Variants in DMD observed in about 807,000 individuals in gnomAD.
The protein encoded by DMD is dystrophin, also known as mutant dystrophin.
DMD carries 63 observed loss-of-function variants against 330.1 expected under a neutral mutation model. The ratio of observed to expected loss-of-function variants is 0.19; its 90% CI spans 0.16 to 0.24. DMD has a LOEUF of 0.24. Among genes scored for constraint, DMD ranks in the 10% least tolerant of loss-of-function variants. DMD has a pLI of 1.00. For missense variants in DMD, 3,344 were observed against 2,684.1 expected (o/e 1.25, Z -5.43); for synonymous variants, 1,223 against 959.8 (o/e 1.27, Z -5.07).
chrX:31,520,608 G>C (rs1293844771), intron 55 of DMD, among the ~76,000 whole-genome samples: 1 of 111,812 alleles, frequency 8.9e-6, no homozygotes, highest in Admixed American at 9.4e-5. Context: ...AGATGCTAGA[G>C]ACCCTTAGAC....
At chrX:32,984,681 C>A (rs971010954) in intron 2 of DMD, among the ~76,000 whole-genome samples, 5 of 111,926 alleles carry the variant, frequency 4.5e-5, no homozygotes, top group South Asian at 3.7e-4. Flanking sequence ...TAAGCACTTC[C>A]ATAAATATTA....
chrX:32,284,996 T>G lies in DMD; in HGVS notation c.6290+2533A>C, dbSNP rs201107397. Among the ~76,000 whole-genome samples, 3 of 111,900 alleles carry G rather than the reference T, an allele frequency of 2.7e-5. No individual in the cohort carries two copies. In the East Asian group the frequency reaches 8.5e-4, roughly 32 times the overall value. On this transcript the variant is annotated intron_variant, in intron 43 of 78. Transcript: ENST00000357033. ...GTGGAATGGCGTTAGTGTTTCTGTT[T>G]AAGTCTAAGGTGAAGGTAAACTGAA...
chrX:33,218,858 T>TC (rs908366014), intron 1 of DMD, among the ~76,000 whole-genome samples: 1 of 111,651 alleles, frequency 9.0e-6, no homozygotes, highest in African/African-American at 3.3e-5. Context: ...CACACAGATT[T>TC]CCCCTGTCTC....
chrX:32,656,774 A>G (rs1273333788), intron 9 of DMD, among the ~76,000 whole-genome samples: 1 of 111,836 alleles, frequency 8.9e-6, no homozygotes, highest in African/African-American at 3.2e-5. Context: ...TACACAGATA[A>G]TAAATATTTA....
In DMD at chrX:32,389,527, C is replaced by T; in HGVS notation, c.4492G>A (p.Val1498Ile). 8.3e-7 allele frequency: 1 copy of T among 1,211,383 alleles called. No individual in the cohort carries two copies. Among genetic ancestry groups the T allele is most frequent in the African/African-American group, 1.7e-5 (1 of 57,854 alleles). The change falls in exon 32 of 79, where the codon GTA (valine) becomes ATA (isoleucine). Residue 1498 changes from valine to isoleucine, a missense_variant. By Grantham distance (29) the Val-to-Ile change is conservative (BLOSUM62 3). Coordinates refer to ENST00000357033, the MANE Select transcript of DMD (RefSeq NM_004006.3). ...LETKSVEQEV[V>I]QSQLNHCVNL... ...ACACAATGATTTAGCTGTGACTGTA[C>T]TACTTCCTGTTCCACACTCTTTGTT... is the stretch of plus-strand genomic sequence containing the variant.
chrX:32,632,082 C>G (rs1378119971), intron 11 of DMD, among the ~76,000 whole-genome samples: 1 of 112,192 alleles, frequency 8.9e-6, no homozygotes, highest in Non-Finnish European at 1.9e-5. Flanking sequence ...TTAGTTACTT[C>G]CAAGATACAA....
intron 67 of DMD, among the ~76,000 whole-genome samples, chrX:31,201,101 G>A (rs759145642): frequency 9.2e-6 from 1 of 109,154 alleles, no homozygotes; most frequent in African/African-American, 3.3e-5. Context: ...TGAGGTGGGT[G>A]GACAGCTTGA....
At chrX:32,015,935 A>G (rs1049105811) in intron 44 of DMD, among the ~76,000 whole-genome samples, 1 of 111,737 alleles carries the variant, frequency 8.9e-6, no homozygotes, top group Non-Finnish European at 1.9e-5. Context: ...TGGCAAAACT[A>G]CTCATGGCAG....
At chrX:31,176,406 A>T (rs1004433243) in intron 71 of DMD, among the ~76,000 whole-genome samples, 2 of 111,474 alleles carry the variant, frequency 1.8e-5, no homozygotes, top group Non-Finnish European at 3.8e-5. Context: ...GATTGTCATA[A>T]TGTTTTTCTC....
chrX:32,506,608 G>A (rs902461324), intron 18 of DMD, among the ~76,000 whole-genome samples: 4 of 111,334 alleles, frequency 3.6e-5, no homozygotes, highest in Non-Finnish European at 7.6e-5. Flanking sequence ...TTTACATGGT[G>A]CTCTGAAGGG....
intron 41 of DMD, among the ~76,000 whole-genome samples, chrX:32,324,680 T>A (rs994868120): frequency 5.4e-5 from 6 of 111,619 alleles, no homozygotes; most frequent in Admixed American, 1.9e-4. Context: ...GAGAACATGA[T>A]AAAATCATAG....
intron 12 of DMD, among the ~76,000 whole-genome samples, chrX:32,600,598 GCACACACACACACA>G (rs201249837): frequency 1.0e-5 from 1 of 95,290 alleles, no homozygotes; most frequent in Non-Finnish European, 2.1e-5. Context: ...ACACGCACAC[GCACACACACACACA>G]CACACACACA....
chrX:32,962,452 G>A (rs989003123), intron 2 of DMD, among the ~76,000 whole-genome samples: 2 of 111,675 alleles, frequency 1.8e-5, no homozygotes, highest in Non-Finnish European at 3.8e-5. Flanking sequence ...CATTGGTTGA[G>A]CATAGGGCTT....
At chrX:31,963,656 G>A (rs763381126) in intron 45 of DMD, among the ~76,000 whole-genome samples, 8 of 110,851 alleles carry the variant, frequency 7.2e-5, no homozygotes, top group African/African-American at 2.6e-4. Flanking sequence ...TCTGGGATAG[G>A]CAAAGTCCAA....
At chrX:32,405,655 C>T (rs761120644) in intron 30 of DMD, among the ~76,000 whole-genome samples, 1 of 111,425 alleles carries the variant, frequency 9.0e-6, no homozygotes, top group East Asian at 2.8e-4. Flanking sequence ...GTTACTGTAG[C>T]CTTGTAGTAT....
intron 2 of DMD, among the ~76,000 whole-genome samples, chrX:32,885,827 GAA>G (rs35272541): frequency 5.2e-4 from 34 of 64,938 alleles, no homozygotes; most frequent in East Asian, 4.3e-3. Context: ...CCTTGAGGGG[GAA>G]AAAAAAAAAA....
intron 59 of DMD, among the ~76,000 whole-genome samples, chrX:31,470,415 G>T (rs1476090592): frequency 2.7e-5 from 3 of 111,836 alleles, no homozygotes; most frequent in African/African-American, 9.8e-5. Context: ...TCTGCTGCAG[G>T]TCTGCTGGAA....
chrX:31,310,522 T>C (rs958577574), intron 62 of DMD, among the ~76,000 whole-genome samples: 1 of 105,803 alleles, frequency 9.5e-6, no homozygotes, highest in African/African-American at 3.4e-5. Context: ...ATTTTTCGGA[T>C]AGAGATTTTT....
At chrX:32,020,492 G>A (rs1475779914) in intron 44 of DMD, among the ~76,000 whole-genome samples, 1 of 111,836 alleles carries the variant, frequency 8.9e-6, no homozygotes, top group Non-Finnish European at 1.9e-5. Context: ...GGTAATTAAG[G>A]TTAAATGAGT....
Sources: allele counts gnomAD v4.1 joint callset (sites outside exome capture counted in the v4.1 genomes callset), GRCh38; gene constraint gnomAD v4.1.1; transcripts MANE v1.5; gene names NCBI Gene and HGNC (gene_info 2026-07-23, HGNC 2026-07-21).